The following NABP1 variants were observed in gnomAD, a reference collection of about 807,000 sequenced individuals.
NABP1 encodes SOSS complex subunit B2.
NABP1 carries 18 observed loss-of-function variants against 25.0 expected under a neutral mutation model. The ratio of observed to expected loss-of-function variants is 0.72; its 90% confidence interval spans 0.50 to 1.07. The LOEUF is 1.07. Among genes scored for constraint, NABP1 ranks in the 50% least tolerant of loss-of-function variants. The pLI is 0.00. For synonymous variants in NABP1, 71 were observed against 85.0 expected (o/e 0.84, Z 0.91); for missense variants, 270 against 255.6 (o/e 1.06, Z -0.39).
At chr2:191,684,403 G>C (rs1406301871) in intron 5 of NABP1, 107 bp downstream of exon 5, 6 of 679,300 alleles carry the variant, frequency 8.8e-6, no homozygotes, top group Non-Finnish European at 1.4e-5. Flanking sequence ...AGTGATAAAG[G>C]TGAACTACCA....
At chr2:191,679,749 A>C (rs926836442) in intron 2 of NABP1, among the ~76,000 whole-genome samples, 3 of 152,052 alleles carry the variant, frequency 2.0e-5, no homozygotes, top group African/African-American at 4.8e-5. Flanking sequence ...TTTCTTTTTT[A>C]TAAGTTGTTT....
chr2:191,686,239 G>A lies in NABP1; in HGVS notation c.*471G>A, dbSNP rs73063329. The A allele has an allele frequency of 0.05, 7,683 of 152,520 alleles. 230 individuals are homozygous for A. Among genetic ancestry groups the A allele is most frequent in the Admixed American group, 0.084 (1,293 of 15,304 alleles). 9.4% of individuals were successfully genotyped at this position (152,520 alleles called of 1,614,324 possible). A position where few individuals can be genotyped will look rare whatever the true frequency, so the allele number is the denominator to read the frequency against. ...TAATTTTTGAGTGTTTGTGGCTCTC[G>A]GAATGATTGACTTCGTTCAGTGACT... On this transcript the variant is annotated 3_prime_UTR_variant, in exon 6 of 6. Coordinates refer to ENST00000425611, the MANE Select transcript of NABP1 (RefSeq NM_001031716.5).
At chr2:191,682,521 G>A (rs1406169211) in intron 3 of NABP1, 11 of 470,946 alleles carry the variant, frequency 2.3e-5, no homozygotes, top group Non-Finnish European at 4.0e-5. Flanking sequence ...GCCGCAATGC[G>A]AGATTCCATA....
chr2:191,682,006 A>G lies in NABP1; in HGVS notation c.291A>G (p.Gln97=), dbSNP rs1687700953. 10 of 1,495,674 alleles carry G rather than the reference A, an allele frequency of 6.7e-6. No homozygotes were observed. The highest frequency in any genetic ancestry group is 1.5e-5 in the African/African-American group (1 of 68,568). The allele number at this position is 1,495,674 out of a possible 1,614,324, so 92.7% of individuals were successfully genotyped here. A position where few individuals can be genotyped will look rare whatever the true frequency, so the allele number is the denominator to read the frequency against. The part of the protein sequence containing the change: ...TLYTGRGGEL[Q]KIGEFCMVYS... ...ATACTGGAAGGGGTGGTGAACTTCAAAAAATTGGGGAGTAAGTATTAAAAT... is the reference window on the plus strand; with the variant it reads ...ATACTGGAAGGGGTGGTGAACTTCAGAAAATTGGGGAGTAAGTATTAAAAT... The change falls in exon 3 of 6, where the codon CAA becomes CAG. Residue 97 remains glutamine, a synonymous_variant. Transcript: ENST00000425611.
At chr2:191,681,869 T>C in intron 2 of NABP1, 77 bp from the exon 3 acceptor site, 4 of 936,214 alleles carry the variant, frequency 4.3e-6, no homozygotes, top group Non-Finnish European at 6.0e-6. Context: ...AAAAAATATA[T>C]AGTGTGAAGA....
chr2:191,679,152 G>A lies in NABP1; in HGVS notation c.230+24G>A, dbSNP rs747163608. On this transcript the variant is annotated intron_variant, in intron 2 of 5. Transcript: ENST00000425611. ...GGGTAGGTGTGCAAAAAAGTCGGGG[G>A]ACCTAACAGTCTGCAGAATCGGGAT... 6 of 1,613,622 alleles carry A rather than the reference G, an allele frequency of 3.7e-6. No individual in the cohort carries two copies. In the Admixed American group the frequency reaches 6.7e-5, roughly 18 times the overall value.
chr2:191,682,211 T>A (rs1477099910), intron 3 of NABP1, 194 bp downstream of exon 3: 5 of 446,936 alleles, frequency 1.1e-5, no homozygotes, highest in Non-Finnish European at 2.0e-5. Context: ...TGGTTAAAAG[T>A]GTCAATTTTT....
chr2:191,682,383 T>C, intron 3 of NABP1: 1 of 376,700 alleles, frequency 2.7e-6, no homozygotes, highest in Non-Finnish European at 5.4e-6. Context: ...ATTCACCAAG[T>C]TTCAGGCCAT....
In NABP1 at chr2:191,685,677, T is replaced by C. The variant is rs1381882540; in HGVS notation, c.524T>C (p.Ile175Thr). 10 of 1,613,970 alleles carry C rather than the reference T, an allele frequency of 6.2e-6. No individual in the cohort carries two copies. The African/African-American group carries it at 6.7e-5, about 11-fold the overall frequency. ...HAGRSNGRGL[I>T]NPQLQGTASN... ...GGCAGAAGCAATGGCCGGGGACTTATAAATCCACAACTACAAGGAACAGCT... is the reference window on the plus strand; with the variant it reads ...GGCAGAAGCAATGGCCGGGGACTTACAAATCCACAACTACAAGGAACAGCT... The change falls in exon 6 of 6, where the codon ATA becomes ACA. Residue 175 changes from isoleucine (I) to threonine (T), a missense_variant. By Grantham distance (89) the Ile-to-Thr change is moderately conservative. Transcript: ENST00000425611.
intron 3 of NABP1, chr2:191,682,793 A>T (rs1687723668): frequency 7.9e-6 from 2 of 253,040 alleles, no homozygotes; most frequent in Non-Finnish European, 8.0e-6. Flanking sequence ...CCACTGAGGG[A>T]ATAAGATGCT....
At chr2:191,681,838 T>G in intron 2 of NABP1, 108 bp from the exon 3 acceptor site, 1 of 579,438 alleles carries the variant, frequency 1.7e-6, no homozygotes, top group Non-Finnish European at 2.7e-6. Flanking sequence ...GAGGGCTTGA[T>G]CCTCACTTCT....
At chr2:191,678,738 G>C in intron 1 of NABP1, 33 bp downstream of exon 1, 1 of 1,576,230 alleles carries the variant, frequency 6.3e-7, no homozygotes, top group Middle Eastern at 2.1e-4. Context: ...TCCACCGCCC[G>C]CTGTGCCTCC....
Position 191,683,335 on chromosome 2 carries a change from A to G in NABP1, c.303-394A>G. 4.4e-6 allele frequency: 1 copy of G among 226,712 alleles called. No homozygotes were observed. Among genetic ancestry groups the G allele is most frequent in the South Asian group, 5.6e-5 (1 of 17,914 alleles). 14.0% of individuals were successfully genotyped at this position (226,712 alleles called of 1,614,324 possible). A position where few individuals can be genotyped will look rare whatever the true frequency, so the allele number is the denominator to read the frequency against. On this transcript the variant is annotated intron_variant, in intron 3 of 5. Transcript: ENST00000425611. The surrounding 1 kb of genome is among the most constrained non-coding windows in gnomAD (Gnocchi z 4.1). The stretch of plus-strand genomic sequence containing the variant: ...AGAGGGACTGAATGGGAGTGGGTGA[A>G]TGGATCGGTGCAAATCCATTACCAC...
In NABP1 at chr2:191,684,100, A is replaced by T. The variant is rs1687753322; in HGVS notation, c.379-130A>T. The T allele has an allele frequency of 2.0e-5, 12 of 602,782 alleles. No individual in the cohort carries two copies. In the East Asian group the frequency reaches 3.7e-4, roughly 18 times the overall value. The allele number at this position is 602,782 out of a possible 1,614,324, so 37.3% of individuals were successfully genotyped here. On this transcript the variant is annotated intron_variant, in intron 4 of 5. Transcript: ENST00000425611. ...CTTTAATGACCTAGGAAAAATCTTT[A>T]AAAAATTTGTTAATTAAAAAAAAAA...
At position 191,678,465 on chromosome 2, in the gene NABP1, C is replaced by A; in HGVS notation, c.-150C>A. ...TCAGTGCTGTCCGGGCTGGTTTGCC[C>A]GGTCCCTGACTAACGGCTTTCTGCC... On this transcript the variant is annotated 5_prime_UTR_variant, in exon 1 of 6. Transcript: ENST00000425611. 2 of 491,292 alleles carry A rather than the reference C, an allele frequency of 4.1e-6. No individual in the cohort carries two copies. Among genetic ancestry groups the A allele is most frequent in the Non-Finnish European group, 7.2e-6 (2 of 278,732 alleles). 30.4% of individuals were successfully genotyped at this position (491,292 alleles called of 1,614,324 possible). A position where few individuals can be genotyped will look rare whatever the true frequency, so the allele number is the denominator to read the frequency against.
chr2:191,681,363 C>T (rs1013997732), intron 2 of NABP1, among the ~76,000 whole-genome samples: 1 of 152,054 alleles, frequency 6.6e-6, no homozygotes, highest in Non-Finnish European at 1.5e-5. Flanking sequence ...TCGGAGTAAA[C>T]ATTTGCCAGT....
At chr2:191,681,520 G>A (rs1687686028) in intron 2 of NABP1, among the ~76,000 whole-genome samples, 1 of 152,054 alleles carries the variant, frequency 6.6e-6, no homozygotes, top group Admixed American at 6.5e-5. Context: ...TTTTATGGAG[G>A]CAGAAGGAAA....
rs1574753675 is a variant in NABP1, at chr2:191,678,551, T to G, written c.-64T>G. On this transcript the variant is annotated 5_prime_UTR_variant, in exon 1 of 6. Coordinates refer to ENST00000425611, the MANE Select transcript of NABP1 (RefSeq NM_001031716.5). ...TGCCTTCGCCCCTGTCCCGGGAGGG[T>G]GGGAAGCTTTGACCCCGCCCTGCCC... 3 of 1,206,346 alleles carry G rather than the reference T, an allele frequency of 2.5e-6. No individual in the cohort carries two copies. Among genetic ancestry groups the G allele is most frequent in the Non-Finnish European group, 3.6e-6 (3 of 840,926 alleles). 74.7% of individuals were successfully genotyped at this position (1,206,346 alleles called of 1,614,324 possible).
Position 191,679,051 on chromosome 2 carries a change from G to A in NABP1, c.153G>A (p.Thr51=). The A allele has an allele frequency of 6.2e-7, 1 of 1,614,166 alleles. No individual in the cohort carries two copies. The highest frequency in any genetic ancestry group is 8.5e-7 in the Non-Finnish European group (1 of 1,180,032). Residue 51 remains threonine (T), a synonymous_variant, in exon 2 of 6, where the codon ACG becomes ACA. Transcript: ENST00000425611. ...EVRSCKVADK[T]GSITISVWDE... ...GATCGTGCAAAGTAGCAGATAAAACGGGCAGCATCACTATTTCCGTGTGGG... is the reference window on the plus strand; with the variant it reads ...GATCGTGCAAAGTAGCAGATAAAACAGGCAGCATCACTATTTCCGTGTGGG...
Sources: gnomAD v4.1 joint callset for allele counts (sites outside exome capture counted in the v4.1 genomes callset) on GRCh38, gnomAD v4.1.1 for gene constraint, Gnocchi (gnomAD v3.1) non-coding constraint, MANE v1.5 for transcripts, NCBI Gene and HGNC (gene_info 2026-07-23, HGNC 2026-07-21) for gene names.